The following ZDHHC15 variants were observed in gnomAD, a reference collection of about 807,000 sequenced individuals.
ZDHHC15 encodes the protein palmitoyltransferase ZDHHC15.
A neutral mutation model predicts 31.7 loss-of-function variants in ZDHHC15; 19 were observed. The ratio of observed to expected loss-of-function variants is 0.60; its 90% CI spans 0.42 to 0.88. The LOEUF (loss-of-function observed/expected upper bound fraction) is 0.88. Ranked by LOEUF, ZDHHC15 falls within the 40% of genes least tolerant of loss-of-function variation. The probability of loss-of-function intolerance (pLI) is 0.00; values close to 1 mark genes in which losing one functional copy is unlikely to be tolerated. For synonymous variants in ZDHHC15, 103 were observed against 90.0 expected, an observed-to-expected ratio of 1.14 and a Z score of -0.82; for missense variants, 209 against 251.2, an observed-to-expected ratio of 0.83 and a Z score of 1.14.
At chrX:75,520,776 C>G (rs1260483956) in intron 1 of ZDHHC15, among the ~76,000 whole-genome samples, 1 of 111,238 alleles carries the variant, frequency 9.0e-6, no homozygotes, top group Non-Finnish European at 1.9e-5. Context: ...TAACTTGTAT[C>G]TATGAAGGCA....
chrX:75,441,709 C>T (rs996178942), intron 4 of ZDHHC15, among the ~76,000 whole-genome samples: 4 of 107,634 alleles, frequency 3.7e-5, no homozygotes, highest in African/African-American at 6.8e-5. Flanking sequence ...CTGCAAGCTC[C>T]GCCTCCTGGG....
At chrX:75,384,909 C>T (rs1014122841) in intron 10 of ZDHHC15, 3 of 472,477 alleles carry the variant, frequency 6.3e-6, no homozygotes, top group Non-Finnish European at 1.1e-5. Context: ...AAAGACTCTT[C>T]CATCATTGGC....
chrX:75,517,745 A>G (rs1394537058), intron 1 of ZDHHC15, among the ~76,000 whole-genome samples: 1 of 109,800 alleles, frequency 9.1e-6, no homozygotes, highest in Non-Finnish European at 1.9e-5. Context: ...AATAATAATA[A>G]AATTTTAAAA....
chrX:75,413,289 T>G (rs1364840598), intron 10 of ZDHHC15, among the ~76,000 whole-genome samples: 1 of 112,191 alleles, frequency 8.9e-6, no homozygotes, highest in African/African-American at 3.2e-5. Flanking sequence ...ATGTTGCTGT[T>G]AACTTTATTT....
intron 4 of ZDHHC15, among the ~76,000 whole-genome samples, chrX:75,442,673 T>A (rs190071174): frequency 9.5e-4 from 106 of 111,738 alleles, no homozygotes; most frequent in African/African-American, 3.4e-3. Flanking sequence ...TGAAGAACAT[T>A]CCATGCTCAT....
At chrX:75,419,713 T>C (rs1400937067) in intron 9 of ZDHHC15, among the ~76,000 whole-genome samples, 1 of 109,274 alleles carries the variant, frequency 9.2e-6, no homozygotes, top group Non-Finnish European at 1.9e-5. Flanking sequence ...TGTACAACAA[T>C]GATAGACTGG....
intron 2 of ZDHHC15, chrX:75,502,263 C>A (rs985354537): frequency 1.8e-5 from 2 of 111,385 alleles, no homozygotes; most frequent in African/African-American, 6.5e-5. Context: ...TCCAGATTTC[C>A]TTTCCCTATA....
chrX:75,455,544 T>A (rs2084204572), intron 3 of ZDHHC15, among the ~76,000 whole-genome samples: 1 of 111,945 alleles, frequency 8.9e-6, no homozygotes, highest in Admixed American at 9.5e-5. Context: ...AAAGAGCTTC[T>A]GCAGACAAAA....
intron 9 of ZDHHC15, among the ~76,000 whole-genome samples, chrX:75,421,380 ATG>A (rs1434373987): frequency 5.9e-5 from 3 of 50,804 alleles, no homozygotes; most frequent in Non-Finnish European, 1.1e-4. Context: ...TCCATCCAGT[ATG>A]TGTGTATATA....
At chrX:75,489,164 G>C (rs1424599815) in intron 2 of ZDHHC15, among the ~76,000 whole-genome samples, 1 of 112,009 alleles carries the variant, frequency 8.9e-6, no homozygotes, top group African/African-American at 3.2e-5. Context: ...CACCTCTGGG[G>C]GCAGGGCACA....
At chrX:75,393,693 T>G (rs1189692408) in intron 10 of ZDHHC15, among the ~76,000 whole-genome samples, 3 of 111,803 alleles carry the variant, frequency 2.7e-5, no homozygotes, top group Non-Finnish European at 5.6e-5. Flanking sequence ...TCCTTAATAT[T>G]CTGTTCTTCT....
rs914081557 is a variant in ZDHHC15 at position 75,408,226 on chromosome X, A to AT, written c.967+8860_967+8861insA. 3.6e-3 allele frequency among the ~76,000 whole-genome samples: 402 copies of AT among 111,239 alleles called. 3 individuals carry two copies. Among genetic ancestry groups the AT allele is most frequent in the African/African-American group, 0.013 (385 of 30,640 alleles). On this transcript the variant is annotated intron_variant, in intron 10 of 11. Coordinates refer to ENST00000373367, the MANE Select transcript of ZDHHC15 (RefSeq NM_144969.3). The stretch of plus-strand genomic sequence containing the variant: ...ATCAATAAATACTAAAAAAAAATAA[A>AT]AAATAAATAAATAAAACATTAGTCA...
At chrX:75,489,288 G>A (rs2084831086) in intron 2 of ZDHHC15, among the ~76,000 whole-genome samples, 1 of 112,090 alleles carries the variant, frequency 8.9e-6, no homozygotes, top group Admixed American at 9.4e-5. Context: ...CGGACAGACT[G>A]CCTCCTCAAG....
intron 5 of ZDHHC15, 60 bp from the exon 6 acceptor site, chrX:75,430,040 A>G: frequency 2.7e-6 from 3 of 1,110,852 alleles, no homozygotes; most frequent in Non-Finnish European, 3.7e-6. Context: ...GCAACATCTC[A>G]TAATTAAACT....
intron 2 of ZDHHC15, among the ~76,000 whole-genome samples, chrX:75,492,205 G>C (rs1228579561): frequency 1.8e-5 from 2 of 111,516 alleles, no homozygotes; most frequent in African/African-American, 6.5e-5. Context: ...TAATGGTAAA[G>C]GGATCAATTC....
chrX:75,500,665 A>G (rs992992552), intron 2 of ZDHHC15, among the ~76,000 whole-genome samples: 1 of 110,115 alleles, frequency 9.1e-6, no homozygotes, highest in African/African-American at 3.3e-5. Context: ...ATCTATATTT[A>G]AATGTCTTTT....
chrX:75,401,281 G>C (rs764608884), intron 10 of ZDHHC15, among the ~76,000 whole-genome samples: 2 of 106,805 alleles, frequency 1.9e-5, no homozygotes, highest in African/African-American at 6.7e-5. Context: ...AAAGAAAAAA[G>C]AAAAACACAC....
chrX:75,403,011 C>G (rs1384703470), intron 10 of ZDHHC15, among the ~76,000 whole-genome samples: 1 of 111,821 alleles, frequency 8.9e-6, no homozygotes, highest in Non-Finnish European at 1.9e-5. Flanking sequence ...CAAACTGAAT[C>G]CAGCAGCATA....
At chrX:75,491,733 G>C (rs1413183448) in intron 2 of ZDHHC15, among the ~76,000 whole-genome samples, 3 of 110,921 alleles carry the variant, frequency 2.7e-5, no homozygotes, top group Non-Finnish European at 5.7e-5. Context: ...TTACAGACAA[G>C]CAAATGCTGA....
Sources: allele counts gnomAD v4.1 joint callset (sites outside exome capture counted in the v4.1 genomes callset), GRCh38; gene constraint gnomAD v4.1.1; transcripts MANE v1.5; gene names NCBI Gene and HGNC (gene_info 2026-07-23, HGNC 2026-07-21).